PSD3: variants seen among roughly 807,000 people sequenced by gnomAD.
PSD3 encodes the protein PH and SEC7 domain-containing protein 3.
PSD3 carries 49 observed loss-of-function variants against 105.5 expected under a neutral mutation model. That is an observed-to-expected ratio of 0.46 (90% CI 0.37 to 0.59). The LOEUF is 0.59. Ranked by LOEUF, PSD3 falls within the 20% of genes least tolerant of loss-of-function variation. The pLI is 0.00. For synonymous variants in PSD3, 557 were observed against 457.8 expected (o/e 1.22, Z -2.77); for missense variants, 1,561 against 1,263.8 (o/e 1.24, Z -3.57).
chr8:18,611,646 C>G (rs952952657), intron 11 of PSD3, among the ~76,000 whole-genome samples: 2 of 151,912 alleles, frequency 1.3e-5, no homozygotes, highest in African/African-American at 4.8e-5. Flanking sequence ...AATTTTCATG[C>G]TAAAACACAA....
intron 2 of PSD3, among the ~76,000 whole-genome samples, chr8:18,903,268 C>T (rs1466492992): frequency 4.6e-5 from 7 of 152,206 alleles, no homozygotes; most frequent in East Asian, 1.9e-4. Context: ...GAACTTGACC[C>T]GAACGGCAAC....
chr8:18,997,106 T>C (rs1179176888), intron 1 of PSD3, among the ~76,000 whole-genome samples: 1 of 151,924 alleles, frequency 6.6e-6, no homozygotes, highest in Non-Finnish European at 1.5e-5. Context: ...TTTTCCTTTC[T>C]ATTGACATTC....
At chr8:18,573,563 C>T (rs1802281393) in intron 13 of PSD3, among the ~76,000 whole-genome samples, 1 of 111,536 alleles carries the variant, frequency 9.0e-6, no homozygotes, top group Admixed American at 9.0e-5. Flanking sequence ...CCAAATTGTC[C>T]AGTAAATGGA....
At chr8:18,676,526 A>C (rs1338809378) in intron 9 of PSD3, among the ~76,000 whole-genome samples, 1 of 152,218 alleles carries the variant, frequency 6.6e-6, no homozygotes, top group Non-Finnish European at 1.5e-5. Flanking sequence ...CTTAGTCCAG[A>C]AACTGGCCTT....
intron 9 of PSD3, chr8:18,733,632 A>C (rs901095514): frequency 6.5e-6 from 1 of 152,830 alleles, no homozygotes; most frequent in Non-Finnish European, 1.5e-5. Context: ...GAGGCTTTTT[A>C]CTTTCACAGA....
chr8:18,706,772 C>T (rs577674851), intron 9 of PSD3, among the ~76,000 whole-genome samples: 311 of 152,326 alleles, frequency 2.0e-3, no homozygotes, highest in Non-Finnish European at 3.8e-3. Context: ...AAACAGTCAC[C>T]ACCTCTAGCT....
At chr8:19,045,466 G>A (rs1828284345) in intron 1 of PSD3, among the ~76,000 whole-genome samples, 1 of 152,184 alleles carries the variant, frequency 6.6e-6, no homozygotes, top group African/African-American at 2.4e-5. Context: ...ACACAGCCAA[G>A]CTTCTTTCCT....
At chr8:19,037,839 G>A (rs558189325) in intron 1 of PSD3, among the ~76,000 whole-genome samples, 127 of 151,896 alleles carry the variant, frequency 8.4e-4, no homozygotes, top group African/African-American at 3.0e-3. Flanking sequence ...AGTGGATCAT[G>A]AGACTTTTTG....
chr8:18,787,069 G>A (rs1809235435), intron 8 of PSD3, among the ~76,000 whole-genome samples: 1 of 152,012 alleles, frequency 6.6e-6, no homozygotes, highest in Non-Finnish European at 1.5e-5. Context: ...TATTATTCAG[G>A]CAAACACTAC....
intron 10 of PSD3, among the ~76,000 whole-genome samples, chr8:18,640,112 C>A (rs569155871): frequency 6.6e-6 from 1 of 152,262 alleles, no homozygotes; most frequent in South Asian, 2.1e-4. Context: ...GGTCGTGAAT[C>A]CATTCTAGTT....
At chr8:18,672,805 A>G (rs12548329) in intron 9 of PSD3, among the ~76,000 whole-genome samples, 3,617 of 152,300 alleles carry the variant, frequency 0.024, 171 homozygotes, top group East Asian at 0.15. Flanking sequence ...TAGAGTATAA[A>G]GTCTTGGAAG....
At chr8:18,753,502 C>CA (rs1400683751) in intron 9 of PSD3, among the ~76,000 whole-genome samples, 1 of 152,048 alleles carries the variant, frequency 6.6e-6, no homozygotes, top group Non-Finnish European at 1.5e-5. Flanking sequence ...GGCGTTTCTG[C>CA]AAAAACAACA....
At chr8:18,905,600 G>A (rs1819791904) in intron 2 of PSD3, among the ~76,000 whole-genome samples, 1 of 152,168 alleles carries the variant, frequency 6.6e-6, no homozygotes, top group Non-Finnish European at 1.5e-5. Context: ...GGGATTATAG[G>A]CGTGAGCCAC....
intron 1 of PSD3, chr8:19,000,624 G>A (rs542962629): frequency 6.6e-6 from 1 of 151,916 alleles, no homozygotes; most frequent in South Asian, 2.1e-4. Flanking sequence ...ATTAATGAAA[G>A]TCACACACCT....
chr8:18,850,075 C>A lies in PSD3; in HGVS notation c.1634+17599G>T, dbSNP rs772055855. Among the ~76,000 whole-genome samples, 5 of 152,220 alleles carry A rather than the reference C, an allele frequency of 3.3e-5. 1 individual carries two copies. The highest frequency in any genetic ancestry group is 7.2e-5 in the African/African-American group (3 of 41,446). On this transcript the variant is annotated intron_variant, in intron 4 of 15. Coordinates refer to ENST00000327040, the MANE Select transcript of PSD3 (RefSeq NM_015310.4). ...TCAGTCTTGCCATGGGAAAGCTAGA[C>A]TAAAATGTCCACACAGGATAGATGT...
intron 9 of PSD3, among the ~76,000 whole-genome samples, chr8:18,682,533 A>C (rs1003517574): frequency 6.6e-6 from 1 of 152,180 alleles, no homozygotes; most frequent in Non-Finnish European, 1.5e-5. Context: ...GTTTCTCTCT[A>C]AAGATAAAGC....
At chr8:18,706,514 T>C (rs1801907844) in intron 9 of PSD3, among the ~76,000 whole-genome samples, 2 of 152,246 alleles carry the variant, frequency 1.3e-5, no homozygotes, top group Non-Finnish European at 2.9e-5. Flanking sequence ...TTGTTCACTA[T>C]TTGTCAGCCA....
intron 4 of PSD3, among the ~76,000 whole-genome samples, chr8:18,827,674 C>T (rs1253041921): frequency 4.6e-5 from 7 of 151,944 alleles, no homozygotes; most frequent in African/African-American, 1.5e-4. Flanking sequence ...TTAGCAGACT[C>T]CTGCAAGGGT....
chr8:18,728,405 T>G (rs1007688994), intron 9 of PSD3, among the ~76,000 whole-genome samples: 1 of 152,162 alleles, frequency 6.6e-6, no homozygotes, highest in African/African-American at 2.4e-5. Flanking sequence ...CACTTAGACT[T>G]TGATGACAGG....
Sources: gnomAD v4.1 joint callset for allele counts (sites outside exome capture counted in the v4.1 genomes callset) on GRCh38, gnomAD v4.1.1 for gene constraint, MANE v1.5 for transcripts, NCBI Gene and HGNC (gene_info 2026-07-23, HGNC 2026-07-21) for gene names.